Variants in DOCK9 observed in about 807,000 individuals in gnomAD.
DOCK9 encodes the protein dedicator of cytokinesis 9.
In DOCK9, 89 loss-of-function variants were observed where a neutral mutation model predicts 263.3. That is an observed-to-expected ratio of 0.34 (90% CI 0.28 to 0.40). The LOEUF (loss-of-function observed/expected upper bound fraction) is 0.40, where lower values mean the gene tolerates loss of function less well. Ranked by LOEUF, DOCK9 falls within the 10% of genes least tolerant of loss-of-function variation. The pLI is 1.00. For synonymous variants in DOCK9, 976 were observed against 973.1 expected, an observed-to-expected ratio of 1.00 and a Z score of -0.06; for missense variants, 2,140 against 2,603.4, an observed-to-expected ratio of 0.82 and a Z score of 3.87.
chr13:98,857,832 G>A (rs1478962985), intron 33 of DOCK9: 1 of 152,312 alleles, frequency 6.6e-6, no homozygotes, highest in South Asian at 2.1e-4. Context: ...GTGAATGATT[G>A]TCGCAAGGGA....
intron 1 of DOCK9, among the ~76,000 whole-genome samples, chr13:99,005,169 TAA>T (rs1883108419): frequency 6.6e-6 from 1 of 152,046 alleles, no homozygotes; most frequent in Admixed American, 6.5e-5. Flanking sequence ...AGAGTCCACA[TAA>T]AGACAAGCTT....
chr13:98,989,462 T>A (rs1451354037), intron 1 of DOCK9, among the ~76,000 whole-genome samples: 1 of 152,034 alleles, frequency 6.6e-6, no homozygotes, highest in East Asian at 1.9e-4. Context: ...TTTGCACAAC[T>A]TCCCAGGTGA....
chr13:99,087,141 G>A (rs1250301577), upstream of DOCK9, among the ~76,000 whole-genome samples: 2 of 152,150 alleles, frequency 1.3e-5, no homozygotes, highest in Non-Finnish European at 2.9e-5. Context: ...GGCCGGCCAG[G>A]CGGACCTGGA....
chr13:98,870,291 A>G (rs529394526), intron 27 of DOCK9, among the ~76,000 whole-genome samples: 3 of 152,366 alleles, frequency 2.0e-5, no homozygotes, highest in African/African-American at 7.2e-5. Context: ...CAAGAATCCA[A>G]TGAGGAAAGG....
At chr13:98,942,235 G>GT (rs61340557) in intron 2 of DOCK9, among the ~76,000 whole-genome samples, 10,369 of 99,288 alleles carry the variant, frequency 0.1, 492 homozygotes, top group African/African-American at 0.18. Flanking sequence ...TTTTTTTGTT[G>GT]TTTTTTTTTT....
chr13:98,830,492 G>GC (rs1463961331), intron 41 of DOCK9, among the ~76,000 whole-genome samples: 1 of 152,200 alleles, frequency 6.6e-6, no homozygotes, highest in Non-Finnish European at 1.5e-5. Flanking sequence ...ATTTGGATAT[G>GC]CCACCATGGG....
chr13:98,954,006 G>A (rs528644338), intron 2 of DOCK9, among the ~76,000 whole-genome samples: 2 of 152,224 alleles, frequency 1.3e-5, no homozygotes, highest in Admixed American at 6.5e-5. Flanking sequence ...AGCTGGAGTC[G>A]CTTAAATTTG....
intron 52 of DOCK9, among the ~76,000 whole-genome samples, chr13:98,796,789 T>C (rs1594074122): frequency 6.6e-6 from 1 of 152,200 alleles, no homozygotes; most frequent in African/African-American, 2.4e-5. Flanking sequence ...CAGAACAGTA[T>C]GGATATTTTC....
chr13:99,007,834 G>A (rs1883618034), intron 1 of DOCK9, among the ~76,000 whole-genome samples: 1 of 152,134 alleles, frequency 6.6e-6, no homozygotes, highest in South Asian at 2.1e-4. Flanking sequence ...AAAACAAACT[G>A]CTCGAAGTCA....
chr13:98,968,685 T>C (rs1306126985), intron 1 of DOCK9, among the ~76,000 whole-genome samples: 1 of 152,234 alleles, frequency 6.6e-6, no homozygotes, highest in East Asian at 1.9e-4. Flanking sequence ...AGCACTATTA[T>C]AGACTGTAAG....
chr13:99,011,918 C>A (rs142490542), intron 1 of DOCK9, among the ~76,000 whole-genome samples: 3 of 152,182 alleles, frequency 2.0e-5, no homozygotes, highest in Admixed American at 6.5e-5. Flanking sequence ...ACCTCCAGGA[C>A]TCAAGTGATC....
chr13:98,954,611 C>A (rs1415851259), intron 2 of DOCK9, among the ~76,000 whole-genome samples: 2 of 152,200 alleles, frequency 1.3e-5, no homozygotes, highest in African/African-American at 4.8e-5. Context: ...AGGTAAACTT[C>A]AGGCCATTCT....
intron 1 of DOCK9, among the ~76,000 whole-genome samples, chr13:98,977,349 AC>A (rs1875114752): frequency 6.6e-6 from 1 of 152,206 alleles, no homozygotes; most frequent in African/African-American, 2.4e-5. Flanking sequence ...AATATTTCCA[AC>A]AGTTATGTTC....
chr13:99,024,961 A>G (rs926112908), intron 1 of DOCK9, among the ~76,000 whole-genome samples: 7 of 152,236 alleles, frequency 4.6e-5, no homozygotes, highest in African/African-American at 1.4e-4. Context: ...AAAAATTTAC[A>G]TTCTTTAGCT....
rs2045226012 is a variant in DOCK9 at position 98,883,753 on chromosome 13, A to C, written c.2469+60T>G. 3 of 1,179,320 alleles carry C rather than the reference A, an allele frequency of 2.5e-6. No homozygotes were observed. In the Admixed American group the frequency reaches 8.0e-5, roughly 32 times the overall value. The allele number at this position is 1,179,320 out of a possible 1,614,324, so 73.1% of individuals were successfully genotyped here. A position where few individuals can be genotyped will look rare whatever the true frequency, so the allele number is the denominator to read the frequency against. ...CACATTAGGATTTTTTTCTTCTTGC[A>C]AAATGGTGCAAACTTTGTCACAGGG... On this transcript the variant is annotated intron_variant, in intron 22 of 52. Coordinates refer to ENST00000682017, the MANE Select transcript of DOCK9 (RefSeq NM_001366683.2).
At position 99,053,718 on chromosome 13, in the gene DOCK9, T is replaced by C. The variant is rs117646974; in HGVS notation, c.129+32505A>G. 7.3e-4 allele frequency among the ~76,000 whole-genome samples: 111 copies of C among 152,278 alleles called. 1 individual carries two copies. The East Asian group carries it at 0.016, about 22-fold the overall frequency. ...AGGGCCTGGAGTGAGGATCAGTTAC[T>C]GTAACCAAGAAACCTCAGACTGTTA... On this transcript the variant is annotated intron_variant, in intron 1 of 32. Coordinates refer to the DOCK9 transcript ENST00000427887.
At chr13:98,913,233 T>C (rs1174916656) in intron 9 of DOCK9, among the ~76,000 whole-genome samples, 1 of 152,220 alleles carries the variant, frequency 6.6e-6, no homozygotes, top group Middle Eastern at 3.2e-3. Context: ...GTTTCTATTA[T>C]AGTGTTTAAG....
chr13:99,055,845 C>T (rs1212713892), intron 1 of DOCK9, among the ~76,000 whole-genome samples: 1 of 151,796 alleles, frequency 6.6e-6, no homozygotes, highest in Non-Finnish European at 1.5e-5. Context: ...CATATACTAG[C>T]TGTCTGCAGT....
At chr13:99,064,058 C>T (rs958461759) in intron 1 of DOCK9, among the ~76,000 whole-genome samples, 1 of 152,212 alleles carries the variant, frequency 6.6e-6, no homozygotes, top group African/African-American at 2.4e-5. Flanking sequence ...CCTTTATCCT[C>T]CACCTTTTTC....
Sources: gnomAD v4.1 joint callset for allele counts (sites outside exome capture counted in the v4.1 genomes callset) on GRCh38, gnomAD v4.1.1 for gene constraint, MANE v1.5 for transcripts, NCBI Gene and HGNC (gene_info 2026-07-23, HGNC 2026-07-21) for gene names.